The following HELZ2 variants were observed in gnomAD, a reference collection of about 807,000 sequenced individuals.
HELZ2 encodes the protein 3'-5' exoribonuclease HELZ2.
A neutral mutation model predicts 208.8 loss-of-function variants in HELZ2; 143 were observed. The observed-to-expected ratio is 0.68, with a 90% CI of 0.60 to 0.79. The LOEUF is 0.79. Ranked by LOEUF, HELZ2 falls within the 30% of genes least tolerant of loss-of-function variation. The pLI is 0.00. For missense variants in HELZ2, 3,690 were observed against 3,794.5 expected (o/e 0.97, Z 0.72); for synonymous variants, 1,705 against 1,693.7 (o/e 1.01, Z -0.16).
upstream of HELZ2, among the ~76,000 whole-genome samples, chr20:63,573,556 G>T (rs1022549147): frequency 6.6e-6 from 1 of 152,062 alleles, no homozygotes; most frequent in Non-Finnish European, 1.5e-5. The surrounding 1 kb of genome is among the most constrained non-coding windows in gnomAD (Gnocchi z 4.9). Context: ...GCACAGTGCC[G>T]CCCCCAGGAG....
At chr20:63,565,751 G>C in exon 8 of HELZ2, 1 of 1,602,324 alleles carries the variant, frequency 6.2e-7, no homozygotes, top group Non-Finnish European at 8.5e-7. Context: ...TCCTGCTGGT[G>C]CTGCCGCAGC....
chr20:63,560,129 G>A, intron 17 of HELZ2, 34 bp from the exon 19 acceptor site: 1 of 1,557,070 alleles, frequency 6.4e-7, no homozygotes, highest in Non-Finnish European at 8.6e-7. Context: ...TGCTGCCGCT[G>A]CGCCCACCCT....
intron 5 of HELZ2, chr20:63,567,964 A>C: frequency 1.9e-6 from 1 of 536,830 alleles, no homozygotes; most frequent in South Asian, 2.4e-5. Context: ...CAGGGATGGG[A>C]AGGCCCCGGC....
At chr20:63,570,434 C>T (rs765462455) in intron 3 of HELZ2, 70 bp downstream of exon 4, 24 of 1,275,720 alleles carry the variant, frequency 1.9e-5, no homozygotes, top group African/African-American at 2.9e-5. Context: ...AGGCTGTTGA[C>T]GTCTGCCCGG....
exon 8 of HELZ2, chr20:63,565,222 G>C (rs747670456): frequency 5.6e-6 from 9 of 1,608,236 alleles, no homozygotes; most frequent in Non-Finnish European, 6.8e-6. Flanking sequence ...ACGCCAGCTC[G>C]TGCCTCTTCC....
exon 9 of HELZ2, chr20:63,562,288 C>T: frequency 1.3e-6 from 2 of 1,598,262 alleles, no homozygotes; most frequent in South Asian, 2.2e-5. Context: ...GCAGACCTAC[C>T]TCTGCAGAGG....
At position 63,560,345 on chromosome 20, in the gene HELZ2, C is replaced by T. The variant is rs2082872365; in HGVS notation, c.7501-18G>A. On this transcript the variant is annotated intron_variant, in intron 16 of 18. Coordinates refer to ENST00000467148, the Ensembl canonical transcript of HELZ2. Reference sequence around the variant, plus strand: ...ATACGGACCTGAGGAGCCGAGGGGGCAGGTGGAGCGGACCCTGGTGTCTCT... The same window carrying T: ...ATACGGACCTGAGGAGCCGAGGGGGTAGGTGGAGCGGACCCTGGTGTCTCT... The T allele has an allele frequency of 6.4e-7, 1 of 1,554,474 alleles. No homozygotes were observed.
chr20:63,568,695 G>A, exon 5 of HELZ2: 1 of 1,606,116 alleles, frequency 6.2e-7, no homozygotes, highest in Non-Finnish European at 8.5e-7. Context: ...TCCAGGACCA[G>A]GCGGGCCTCA....
At chr20:63,559,440 GT>G in intron 18 of HELZ2, 70 bp from the exon 20 acceptor site, 1 of 1,268,400 alleles carries the variant, frequency 7.9e-7, no homozygotes, top group South Asian at 1.5e-5. Flanking sequence ...GGTGGGAGGA[GT>G]CAGGGTCAGG....
exon 1 of HELZ2, chr20:63,572,325 G>A: frequency 6.3e-7 from 1 of 1,586,066 alleles, no homozygotes; most frequent in Non-Finnish European, 8.5e-7. Flanking sequence ...TCAGGGGCAG[G>A]GGGTGTGAGC....
At chr20:63,570,599 G>C (rs1416928402) in exon 3 of HELZ2, 7 of 1,609,968 alleles carry the variant, frequency 4.3e-6, no homozygotes, top group Non-Finnish European at 5.9e-6. Context: ...ACTCCATCAA[G>C]GGTCTCTGCC....
chr20:63,562,761 T>C (rs1394912501), exon 8 of HELZ2: 1 of 1,603,634 alleles, frequency 6.2e-7, no homozygotes, highest in Non-Finnish European at 8.5e-7. Context: ...GGGCGTGGGC[T>C]GGCCGTGGGA....
At chr20:63,573,502 C>G (rs963700714), upstream of HELZ2, among the ~76,000 whole-genome samples, 1 of 152,078 alleles carries the variant, frequency 6.6e-6, no homozygotes, top group African/African-American at 2.4e-5. The surrounding 1 kb of genome is among the most constrained non-coding windows in gnomAD (Gnocchi z 4.9). Flanking sequence ...CTAGAAGGAG[C>G]CAAGGTGACT....
At chr20:63,568,888 G>A (rs149335222) in exon 5 of HELZ2, 429 of 1,611,776 alleles carry the variant, frequency 2.7e-4, no homozygotes, top group African/African-American at 2.6e-3. Context: ...CTGGCATCAG[G>A]GAGGAGGGGA....
At chr20:63,564,760 A>G in exon 8 of HELZ2, 2 of 1,611,966 alleles carry the variant, frequency 1.2e-6, no homozygotes, top group African/African-American at 1.3e-5. Flanking sequence ...TGAGGGCATC[A>G]TCGAGGTTGC....
At chr20:63,562,687 G>A (rs368186001) in exon 8 of HELZ2, 40 of 1,599,046 alleles carry the variant, frequency 2.5e-5, no homozygotes, top group Non-Finnish European at 3.0e-5. Context: ...GCGTCTGCCC[G>A]TGGGCCACCC....
Position 63,570,878 on chromosome 20 carries a change from AG to A in HELZ2, c.279-11del, listed in dbSNP as rs2083009960. ...CTCACAGAGGTCAGGCCTGGGGGAC[AG>A]GGAGGTCAGCAGGGCTACACAGAGG... On this transcript the variant is annotated splice_polypyrimidine_tract_variant and intron_variant, in intron 1 of 18. Transcript: ENST00000467148. 1 of 1,576,672 alleles carries A rather than the reference AG, an allele frequency of 6.3e-7. No individual in the cohort carries two copies. The highest frequency in any genetic ancestry group is 1.1e-5 in the South Asian group (1 of 87,904).
At chr20:63,560,907 T>A in exon 15 of HELZ2, 2 of 1,613,004 alleles carry the variant, frequency 1.2e-6, no homozygotes, top group South Asian at 2.2e-5. Context: ...CCGCAGCTGC[T>A]TGTGGTCTCC....
intron 4 of HELZ2, 73 bp downstream of exon 5, chr20:63,569,075 C>T: frequency 6.3e-7 from 1 of 1,586,486 alleles, no homozygotes; most frequent in Non-Finnish European, 8.5e-7. Flanking sequence ...CCCATCCGCT[C>T]CCGTTGCCCC....
Sources: allele counts gnomAD v4.1 joint callset (sites outside exome capture counted in the v4.1 genomes callset), GRCh38; gene constraint gnomAD v4.1.1; non-coding constraint Gnocchi (gnomAD v3.1); transcripts MANE v1.5; gene names NCBI Gene and HGNC (gene_info 2026-07-23, HGNC 2026-07-21).